The following DCDC2C variants were observed in gnomAD, a reference collection of about 807,000 sequenced individuals.
The protein encoded by DCDC2C is doublecortin domain-containing protein 2C.
A neutral mutation model predicts 45.0 loss-of-function variants in DCDC2C; 44 were observed. The ratio of observed to expected loss-of-function variants is 0.98; its 90% CI spans 0.77 to 1.26. The LOEUF is 1.26. Ranked by LOEUF, DCDC2C falls within the 50% of genes most tolerant of loss-of-function variation. The pLI, the probability that DCDC2C is intolerant of heterozygous loss-of-function variation, is 0.00. For synonymous variants in DCDC2C, 187 were observed against 178.8 expected, an observed-to-expected ratio of 1.05 and a Z score of -0.37; for missense variants, 447 against 468.9, an observed-to-expected ratio of 0.95 and a Z score of 0.43.
At chr2:3,755,026 A>G (rs1240926823) in intron 6 of DCDC2C, among the ~76,000 whole-genome samples, 2 of 152,210 alleles carry the variant, frequency 1.3e-5, no homozygotes, top group African/African-American at 4.8e-5. Context: ...TGTGACAGTA[A>G]GGCAGCAGTG....
intron 2 of DCDC2C, among the ~76,000 whole-genome samples, chr2:3,712,979 G>A (rs1475764659): frequency 6.6e-6 from 1 of 152,176 alleles, no homozygotes; most frequent in Non-Finnish European, 1.5e-5. Context: ...ATGTGAGTGA[G>A]GCAGAGCAGG....
chr2:3,842,258 TAA>T (rs1672231534), intron 10 of DCDC2C, among the ~76,000 whole-genome samples: 2 of 152,046 alleles, frequency 1.3e-5, no homozygotes, highest in South Asian at 4.2e-4. Flanking sequence ...GTAAGAGAGA[TAA>T]GTGTTAAAAT....
intron 10 of DCDC2C, among the ~76,000 whole-genome samples, chr2:3,811,964 C>T (rs1671407629): frequency 6.6e-6 from 1 of 152,212 alleles, no homozygotes; most frequent in South Asian, 2.1e-4. Context: ...TTTTAACGTG[C>T]TGCTGGATTT....
At chr2:3,763,312 G>C (rs1669932983) in intron 6 of DCDC2C, among the ~76,000 whole-genome samples, 1 of 152,202 alleles carries the variant, frequency 6.6e-6, no homozygotes, top group Non-Finnish European at 1.5e-5. Context: ...AGAGAGACCT[G>C]AGACCACACA....
chr2:3,787,300 T>G (rs1670681609), intron 10 of DCDC2C, among the ~76,000 whole-genome samples: 1 of 152,232 alleles, frequency 6.6e-6, no homozygotes, highest in Non-Finnish European at 1.5e-5. Flanking sequence ...TGTGCGCAAA[T>G]AGTTTCATTT....
At chr2:3,823,650 G>A (rs1450863596) in intron 10 of DCDC2C, among the ~76,000 whole-genome samples, 2 of 152,070 alleles carry the variant, frequency 1.3e-5, no homozygotes, top group Non-Finnish European at 2.9e-5. Flanking sequence ...ATTTATAAAG[G>A]ATATTTTCAT....
intron 2 of DCDC2C, 134 bp from the exon 3 acceptor site, chr2:3,726,869 G>A (rs1668703846): frequency 9.6e-6 from 7 of 732,166 alleles, no homozygotes; most frequent in Middle Eastern, 2.4e-4. Context: ...TCCTGGACCC[G>A]CCCCTGGGTG....
At chr2:3,755,898 GTGTA>G (rs1393008569) in intron 6 of DCDC2C, among the ~76,000 whole-genome samples, 4 of 152,134 alleles carry the variant, frequency 2.6e-5, no homozygotes, top group Non-Finnish European at 4.4e-5. Context: ...ATGAATACAT[GTGTA>G]TGTATGTATT....
intron 10 of DCDC2C, among the ~76,000 whole-genome samples, chr2:3,836,635 G>T (rs1313577867): frequency 6.6e-6 from 1 of 152,092 alleles, no homozygotes; most frequent in Non-Finnish European, 1.5e-5. Flanking sequence ...GGCCGAGGTG[G>T]GTGGACCACA....
chr2:3,725,700 G>GGAAGACGAGCA, intron 2 of DCDC2C, among the ~76,000 whole-genome samples: 3 of 151,160 alleles, frequency 2.0e-5, no homozygotes, highest in Admixed American at 6.6e-5. Context: ...GGATCCCAGA[G>GGAAGACGAGCA]GGAGATGAGC....
chr2:3,807,852 G>A (rs1468679255), intron 10 of DCDC2C, among the ~76,000 whole-genome samples: 1 of 152,138 alleles, frequency 6.6e-6, no homozygotes, highest in Non-Finnish European at 1.5e-5. Context: ...GTCACTCACT[G>A]TGGTTCGTGG....
chr2:3,840,872 T>TG (rs1286730314), intron 10 of DCDC2C, among the ~76,000 whole-genome samples: 3 of 152,292 alleles, frequency 2.0e-5, no homozygotes, highest in Middle Eastern at 3.4e-3. Flanking sequence ...CACTACCTAG[T>TG]AGGGGTGTCA....
At chr2:3,762,082 G>A (rs1279316557) in intron 6 of DCDC2C, among the ~76,000 whole-genome samples, 2 of 151,850 alleles carry the variant, frequency 1.3e-5, no homozygotes, top group Middle Eastern at 3.2e-3. Context: ...AGAGAAATAT[G>A]GGTGTAAGAC....
At chr2:3,729,108 A>G (rs1433828945) in intron 3 of DCDC2C, among the ~76,000 whole-genome samples, 1 of 152,226 alleles carries the variant, frequency 6.6e-6, no homozygotes, top group Non-Finnish European at 1.5e-5. Flanking sequence ...GAGTCAGTGA[A>G]TGAGCCTTGG....
At chr2:3,793,795 C>T (rs1239431827) in intron 10 of DCDC2C, among the ~76,000 whole-genome samples, 1 of 152,174 alleles carries the variant, frequency 6.6e-6, no homozygotes, top group Non-Finnish European at 1.5e-5. Flanking sequence ...CTGTGCTCCT[C>T]AGAGACAAGA....
At chr2:3,753,770 C>T (rs901571477) in intron 5 of DCDC2C, among the ~76,000 whole-genome samples, 1 of 152,070 alleles carries the variant, frequency 6.6e-6, no homozygotes, top group African/African-American at 2.4e-5. Flanking sequence ...ATGGCCTCCT[C>T]CTATTCTGGT....
intron 10 of DCDC2C, among the ~76,000 whole-genome samples, chr2:3,846,787 G>C (rs1252795896): frequency 1.3e-5 from 2 of 152,100 alleles, no homozygotes; most frequent in Admixed American, 6.6e-5. Flanking sequence ...CACATTCAAT[G>C]CTGGTTGGTC....
chr2:3,766,310 G>GCACACA lies in DCDC2C; in HGVS notation c.727-1426_727-1421dup, dbSNP rs61471003. On this transcript the variant is annotated intron_variant, in intron 6 of 10. Coordinates refer to ENST00000399143, the MANE Select transcript of DCDC2C (RefSeq NM_001287444.2). ...CTCATACATACACATACACACACAC[G>GCACACA]CACACACACACACACACACACACGG... is the stretch of plus-strand genomic sequence containing the variant. 1.8e-3 allele frequency among the ~76,000 whole-genome samples: 267 copies of GCACACA among 146,152 alleles called. 1 individual carries two copies. The highest frequency in any genetic ancestry group is 2.7e-3 in the Non-Finnish European group (177 of 66,058).
chr2:3,744,418 G>T (rs1480354086), intron 4 of DCDC2C, among the ~76,000 whole-genome samples: 4 of 152,210 alleles, frequency 2.6e-5, no homozygotes, highest in Non-Finnish European at 5.9e-5. Context: ...CAGAGGCAAG[G>T]TCGAGACATC....
Sources: gnomAD v4.1 joint callset for allele counts (sites outside exome capture counted in the v4.1 genomes callset) on GRCh38, gnomAD v4.1.1 for gene constraint, MANE v1.5 for transcripts, NCBI Gene and HGNC (gene_info 2026-07-23, HGNC 2026-07-21) for gene names.